Variants in SLC3A1 observed in about 807,000 individuals in gnomAD.
SLC3A1 encodes solute carrier family 3 member 1.
Under a neutral mutation model 60.3 loss-of-function variants are expected in SLC3A1, and 78 were observed. That is an observed-to-expected ratio of 1.29 (90% CI 1.08 to 1.56). SLC3A1 has a LOEUF of 1.56. SLC3A1 is among the 40% of genes most tolerant of loss of function. The probability of loss-of-function intolerance (pLI) is 0.00; values close to 1 mark genes in which losing one functional copy is unlikely to be tolerated. For missense variants in SLC3A1, 1,172 were observed against 858.9 expected, an observed-to-expected ratio of 1.36 and a Z score of -4.56; for synonymous variants, 392 against 307.9, an observed-to-expected ratio of 1.27 and a Z score of -2.86.
chr2:44,281,855 T>C (rs1187220305), intron 3 of SLC3A1, among the ~76,000 whole-genome samples: 1 of 152,124 alleles, frequency 6.6e-6, no homozygotes, highest in Non-Finnish European at 1.5e-5. Flanking sequence ...GATAACCATT[T>C]TTCTACTATC....
At chr2:44,321,736 T>G, downstream of SLC3A1, 1 of 1,608,982 alleles carries the variant, frequency 6.2e-7, no homozygotes, top group Non-Finnish European at 8.5e-7. Flanking sequence ...TGAAGTGGCT[T>G]TGTCATAAAC....
At chr2:44,276,468 T>C (rs1258214160) in intron 1 of SLC3A1, among the ~76,000 whole-genome samples, 2 of 152,136 alleles carry the variant, frequency 1.3e-5, no homozygotes, top group Non-Finnish European at 2.9e-5. Flanking sequence ...AAAGTTTAAA[T>C]TCTAAAAAAG....
intron 4 of SLC3A1, among the ~76,000 whole-genome samples, chr2:44,294,400 G>A (rs1572799443): frequency 6.6e-6 from 1 of 151,656 alleles, no homozygotes; most frequent in Non-Finnish European, 1.5e-5. Flanking sequence ...AGCTACTCAG[G>A]AGGCTGAGGC....
At chr2:44,298,486 C>G (rs1671913938) in intron 4 of SLC3A1, among the ~76,000 whole-genome samples, 2 of 152,138 alleles carry the variant, frequency 1.3e-5, no homozygotes, top group South Asian at 2.1e-4. Context: ...TCAAGCAATT[C>G]TCATGCTCAG....
At chr2:44,318,095 G>C (rs548314888) in intron 9 of SLC3A1, 3 of 396,500 alleles carry the variant, frequency 7.6e-6, no homozygotes, top group Middle Eastern at 3.8e-4. Context: ...TCTCAACACT[G>C]TTTTTTTTTT....
At chr2:44,299,695 A>T (rs1671953852) in intron 4 of SLC3A1, among the ~76,000 whole-genome samples, 2 of 152,172 alleles carry the variant, frequency 1.3e-5, no homozygotes, top group Non-Finnish European at 2.9e-5. Context: ...GACTCTCTAA[A>T]CTTTGAAAAC....
chr2:44,320,613 C>T lies in SLC3A1; in HGVS notation c.2032C>T (p.Leu678=). 1.9e-6 allele frequency: 3 copies of T among 1,613,828 alleles called. No homozygotes were observed. The highest frequency in any genetic ancestry group is 2.5e-6 in the Non-Finnish European group (3 of 1,179,812). ...VSNRACYSSV[L]NILYTSC Reference sequence around the variant, plus strand: ...CAATCGAGCATGCTATTCCAGTGTACTGAACATACTGTATACCTCGTGTTA... The same window carrying T: ...CAATCGAGCATGCTATTCCAGTGTATTGAACATACTGTATACCTCGTGTTA... Residue 678 remains leucine (L), a synonymous_variant, in exon 10 of 10, where the codon CTG becomes TTG. Coordinates refer to ENST00000260649, the MANE Select transcript of SLC3A1 (RefSeq NM_000341.4).
chr2:44,289,216 TC>T (rs1671683667), intron 4 of SLC3A1, among the ~76,000 whole-genome samples: 1 of 147,956 alleles, frequency 6.8e-6, no homozygotes, highest in African/African-American at 2.5e-5. Flanking sequence ...TTTCTTTTTT[TC>T]TTTTTTTTTT....
In SLC3A1 at chr2:44,298,216, T is replaced by C. The variant is rs112981387; in HGVS notation, c.892-1755T>C. 2.2e-3 allele frequency among the ~76,000 whole-genome samples: 329 copies of C among 152,288 alleles called. No individual in the cohort carries two copies. In the Middle Eastern group the frequency reaches 0.027, roughly 13 times the overall value. On this transcript the variant is annotated intron_variant, in intron 4 of 9. Transcript: ENST00000260649. Reference sequence around the variant, plus strand: ...AAAAATGTTAAGTCAGCCCACAGCCTTTTCTGATTAAAAATCCCTCCAGGG... The same window carrying C: ...AAAAATGTTAAGTCAGCCCACAGCCCTTTCTGATTAAAAATCCCTCCAGGG...
intron 7 of SLC3A1, 43 bp downstream of exon 7, chr2:44,304,381 C>G: frequency 6.9e-7 from 1 of 1,441,898 alleles, no homozygotes; most frequent in Non-Finnish European, 9.8e-7. Context: ...GCTGCTGTTG[C>G]CTTTGCTGTC....
At position 44,320,465 on chromosome 2, in the gene SLC3A1, C is replaced by A; in HGVS notation, c.1884C>A (p.Asp628Glu). ...TAAGGTTAAGTACCAATTCTGCCGACAAAGGCAGTAAAGTTGATACAAGTG... is the reference window on the plus strand; with the variant it reads ...TAAGGTTAAGTACCAATTCTGCCGAAAAAGGCAGTAAAGTTGATACAAGTG... ...MRIRLSTNSA[D>E]KGSKVDTSGI... Residue 628 changes from aspartate (D) to glutamate (E), a missense_variant, in exon 10 of 10, where the codon GAC (aspartate) becomes GAA (glutamate). By Grantham distance (45) the Asp-to-Glu change is conservative. Transcript: ENST00000260649. 1 of 1,614,122 alleles carries A rather than the reference C, an allele frequency of 6.2e-7. No homozygotes were observed. The highest frequency in any genetic ancestry group is 8.5e-7 in the Non-Finnish European group (1 of 1,179,972).
intron 9 of SLC3A1, among the ~76,000 whole-genome samples, chr2:44,316,956 C>T (rs1415596525): frequency 6.6e-6 from 1 of 151,668 alleles, no homozygotes; most frequent in African/African-American, 2.4e-5. Flanking sequence ...ATTTTTGATA[C>T]ACAATGTAAA....
At chr2:44,306,422 G>GCCCC (rs1558465741) in intron 7 of SLC3A1, among the ~76,000 whole-genome samples, 3 of 152,140 alleles carry the variant, frequency 2.0e-5, no homozygotes, top group African/African-American at 4.8e-5. Context: ...GCCTTTCTCC[G>GCCCC]TCTGGTGAGG....
intron 1 of SLC3A1, among the ~76,000 whole-genome samples, chr2:44,279,968 C>T (rs1558452804): frequency 1.3e-5 from 2 of 152,102 alleles, no homozygotes; most frequent in Admixed American, 6.6e-5. Flanking sequence ...TCCAACCAGC[C>T]ACCCTGCAAG....
At position 44,312,579 on chromosome 2, in the gene SLC3A1, C is replaced by T. The variant is rs1672324834; in HGVS notation, c.1333-7C>T. On this transcript the variant is annotated splice_polypyrimidine_tract_variant and splice_region_variant and intron_variant, in intron 7 of 9. Transcript: ENST00000260649. The stretch of plus-strand genomic sequence containing the variant: ...CAGCTGTGTTCTTAAAAATATCTGC[C>T]TTTCAGATTGGTGGACCAGACAGTT... 6.2e-7 allele frequency: 1 copy of T among 1,613,670 alleles called. No individual in the cohort carries two copies.
chr2:44,322,011 G>C (rs879766794), downstream of SLC3A1: 63 of 1,132,390 alleles, frequency 5.6e-5, no homozygotes, highest in Non-Finnish European at 7.4e-5. Context: ...TAATAGTAAA[G>C]GAATAAAAAG....
At chr2:44,280,676 C>G in intron 1 of SLC3A1, 40 bp from the exon 2 acceptor site, 1 of 1,445,098 alleles carries the variant, frequency 6.9e-7, no homozygotes, top group Non-Finnish European at 9.7e-7. Context: ...TTAACTAAAA[C>G]AAAGTAGGGT....
At chr2:44,287,082 G>C (rs568264263) in intron 4 of SLC3A1, among the ~76,000 whole-genome samples, 1 of 152,180 alleles carries the variant, frequency 6.6e-6, no homozygotes, top group Non-Finnish European at 1.5e-5. Flanking sequence ...TGCCTACTCC[G>C]TGCCAGGCCC....
At chr2:44,307,126 T>C (rs1299036730) in intron 7 of SLC3A1, among the ~76,000 whole-genome samples, 1 of 152,204 alleles carries the variant, frequency 6.6e-6, no homozygotes, top group Non-Finnish European at 1.5e-5. Flanking sequence ...TCTAGCTTCT[T>C]TCACTTAACA....
Sources: gnomAD v4.1 joint callset for allele counts (sites outside exome capture counted in the v4.1 genomes callset) on GRCh38, gnomAD v4.1.1 for gene constraint, MANE v1.5 for transcripts, NCBI Gene and HGNC (gene_info 2026-07-23, HGNC 2026-07-21) for gene names.